TRPM6: variants seen among roughly 807,000 people sequenced by gnomAD.
TRPM6 encodes the protein transient receptor potential cation channel subfamily M member 6, also known as channel kinase 2.
TRPM6 carries 111 observed loss-of-function variants against 247.6 expected under a neutral mutation model. That is an observed-to-expected ratio of 0.45 (90% confidence interval 0.38 to 0.52). The LOEUF is 0.52. TRPM6 is among the 20% of genes least tolerant of loss of function. The probability of loss-of-function intolerance (pLI) is 0.00; values close to 1 mark genes in which losing one functional copy is unlikely to be tolerated. For missense variants in TRPM6, 2,126 were observed against 2,421.5 expected (o/e 0.88, Z 2.56); for synonymous variants, 892 against 853.8 (o/e 1.04, Z -0.78).
At chr9:74,859,771 C>T (rs1397296057) in intron 1 of TRPM6, among the ~76,000 whole-genome samples, 1 of 141,804 alleles carries the variant, frequency 7.1e-6, no homozygotes, top group Non-Finnish European at 1.5e-5. Flanking sequence ...GAGACTCTGT[C>T]TCAAAAAAAA....
At chr9:74,757,986 A>G (rs1826490105) in intron 27 of TRPM6, among the ~76,000 whole-genome samples, 1 of 152,192 alleles carries the variant, frequency 6.6e-6, no homozygotes, top group African/African-American at 2.4e-5. Context: ...ACAGATCTCA[A>G]AGACAATAAA....
intron 6 of TRPM6, 103 bp downstream of exon 6, chr9:74,833,895 T>G: frequency 9.4e-6 from 14 of 1,482,070 alleles, no homozygotes; most frequent in Non-Finnish European, 1.3e-5. Flanking sequence ...AGTGAATATA[T>G]TACATCTGTA....
intron 27 of TRPM6, among the ~76,000 whole-genome samples, chr9:74,757,497 T>C (rs182914556): frequency 3.5e-5 from 5 of 141,772 alleles, no homozygotes; most frequent in African/African-American, 1.1e-4. Context: ...CCCTGGGAAG[T>C]AGAGTTTGCA....
Position 74,793,175 on chromosome 9 carries a change from G to C in TRPM6, c.2392-405C>G, listed in dbSNP as rs1268968354. On this transcript the variant is annotated intron_variant, in intron 18 of 38. Transcript: ENST00000360774. ...TGTCTCAAAAAATAATAATAATTGG[G>C]CACCCACATGCCAAATTATAATCTT... is the stretch of plus-strand genomic sequence containing the variant. Among the ~76,000 whole-genome samples the C allele has an allele frequency of 6.1e-4, 92 of 152,036 alleles. 1 individual carries two copies. The highest frequency in any genetic ancestry group is 2.9e-5 in the Non-Finnish European group (2 of 67,950).
chr9:74,851,024 A>G (rs1320237676), intron 3 of TRPM6, among the ~76,000 whole-genome samples: 1 of 152,230 alleles, frequency 6.6e-6, no homozygotes, highest in East Asian at 1.9e-4. Flanking sequence ...TTTATAAGGC[A>G]GTTCTTTAGT....
intron 2 of TRPM6, among the ~76,000 whole-genome samples, chr9:74,855,910 G>C (rs1587585909): frequency 6.6e-6 from 1 of 151,826 alleles, no homozygotes; most frequent in East Asian, 1.9e-4. Context: ...TGTGTCTTAT[G>C]GTACCTGGTA....
rs1449818218 is a variant in TRPM6, at chr9:74,756,306, G to A, written c.4786-833C>T. ...GCTTCTGCTTCTCATTCTAAAAAAG[G>A]CTGAGGTATTTTTTTAATGCATCCA... On this transcript the variant is annotated intron_variant, in intron 27 of 38. Coordinates refer to ENST00000360774, the MANE Select transcript of TRPM6 (RefSeq NM_017662.5). Among the ~76,000 whole-genome samples the A allele has an allele frequency of 5.0e-5, 7 of 140,650 alleles. No homozygotes were observed. In the East Asian group the frequency reaches 9.7e-4, roughly 19 times the overall value. 92.3% of individuals were successfully genotyped at this position (140,650 alleles called of 152,430 possible). A position where few individuals can be genotyped will look rare whatever the true frequency, so the allele number is the denominator to read the frequency against.
At chr9:74,835,235 A>G (rs1829685469) in intron 5 of TRPM6, among the ~76,000 whole-genome samples, 1 of 152,154 alleles carries the variant, frequency 6.6e-6, no homozygotes, top group Non-Finnish European at 1.5e-5. Flanking sequence ...ATGTCTTCTA[A>G]TGAAAAGTGT....
chr9:74,808,015 C>A lies in TRPM6; in HGVS notation c.1638+19G>T. On this transcript the variant is annotated intron_variant, in intron 14 of 38. Coordinates refer to ENST00000360774, the MANE Select transcript of TRPM6 (RefSeq NM_017662.5). ...CTAATCATTCTCAATTTTACTTGGG[C>A]ACTTTTCAATTACTCTACCTTGTAT... 6.2e-7 allele frequency: 1 copy of A among 1,613,626 alleles called. No individual in the cohort carries two copies.
intron 27 of TRPM6, among the ~76,000 whole-genome samples, chr9:74,757,162 A>C (rs778134792): frequency 5.3e-5 from 8 of 152,050 alleles, no homozygotes; most frequent in Non-Finnish European, 8.8e-5. Flanking sequence ...TACACGACAG[A>C]GAAAGACTTT....
At chr9:74,860,851 C>G (rs1415971712) in intron 1 of TRPM6, among the ~76,000 whole-genome samples, 3 of 152,070 alleles carry the variant, frequency 2.0e-5, no homozygotes, top group African/African-American at 7.2e-5. Flanking sequence ...AACCCTGTCT[C>G]TACAAAATAC....
At chr9:74,818,635 A>C (rs1829035238) in intron 9 of TRPM6, among the ~76,000 whole-genome samples, 1 of 152,148 alleles carries the variant, frequency 6.6e-6, no homozygotes, top group Non-Finnish European at 1.5e-5. Flanking sequence ...ATGACTGCAA[A>C]TCCCTTAAAT....
chr9:74,798,087 G>A (rs1420556055), intron 17 of TRPM6, among the ~76,000 whole-genome samples: 1 of 152,020 alleles, frequency 6.6e-6, no homozygotes, highest in Non-Finnish European at 1.5e-5. Flanking sequence ...GCCTTCCAAG[G>A]TAAAGAGTTT....
At chr9:74,863,341 A>G (rs1197168456) in intron 1 of TRPM6, among the ~76,000 whole-genome samples, 1 of 151,864 alleles carries the variant, frequency 6.6e-6, no homozygotes, top group African/African-American at 2.4e-5. Flanking sequence ...GCCACTGTGC[A>G]TGACTGAAAC....
At chr9:74,792,889 G>C in intron 18 of TRPM6, 119 bp from the exon 19 acceptor site, 1 of 978,558 alleles carries the variant, frequency 1.0e-6, no homozygotes, top group Non-Finnish European at 1.5e-6. Context: ...GGGGGCGGTG[G>C]CTCACACCTG....
chr9:74,851,705 C>G (rs868480200), intron 3 of TRPM6, among the ~76,000 whole-genome samples: 1 of 149,508 alleles, frequency 6.7e-6, no homozygotes, highest in East Asian at 2.0e-4. Context: ...GCCAAGATTG[C>G]GCCACTGCGC....
At chr9:74,846,434 T>C (rs1213831641) in intron 3 of TRPM6, among the ~76,000 whole-genome samples, 1 of 152,228 alleles carries the variant, frequency 6.6e-6, no homozygotes, top group Non-Finnish European at 1.5e-5. Context: ...TTAAAACAAT[T>C]ATATTGTTTT....
chr9:74,804,631 C>A, intron 14 of TRPM6: 1 of 747,656 alleles, frequency 1.3e-6, no homozygotes, highest in South Asian at 1.4e-5. Flanking sequence ...ACAAACTGGT[C>A]TGAAGGCATG....
At chr9:74,794,181 T>G (rs910969913) in intron 18 of TRPM6, among the ~76,000 whole-genome samples, 1 of 152,156 alleles carries the variant, frequency 6.6e-6, no homozygotes, top group African/African-American at 2.4e-5. Flanking sequence ...CATGTAATTT[T>G]TAATTTTTTA....
Sources: allele counts gnomAD v4.1 joint callset (sites outside exome capture counted in the v4.1 genomes callset), GRCh38; gene constraint gnomAD v4.1.1; transcripts MANE v1.5; gene names NCBI Gene and HGNC (gene_info 2026-07-23, HGNC 2026-07-21).